Variants in AKAP6 observed in about 807,000 individuals in gnomAD.
The protein encoded by AKAP6 is A-kinase anchoring protein 6, also known as A-kinase anchor protein 6.
Under a neutral mutation model 188.5 loss-of-function variants are expected in AKAP6, and 58 were observed. That is an observed-to-expected ratio of 0.31 (90% CI 0.25 to 0.38). The LOEUF (loss-of-function observed/expected upper bound fraction) is 0.38. Among genes scored for constraint, AKAP6 ranks in the 10% least tolerant of loss-of-function variants. The pLI, the probability that AKAP6 is intolerant of heterozygous loss-of-function variation, is 1.00. For synonymous variants in AKAP6, 989 were observed against 998.6 expected (o/e 0.99, Z 0.18); for missense variants, 2,710 against 2,740.0 (o/e 0.99, Z 0.24).
chr14:32,517,132 C>G (rs1185211662), intron 2 of AKAP6, among the ~76,000 whole-genome samples: 1 of 152,156 alleles, frequency 6.6e-6, no homozygotes, highest in African/African-American at 2.4e-5. Flanking sequence ...CTGAATATGA[C>G]AGAATCAATT....
chr14:32,378,129 T>C (rs539337610), intron 1 of AKAP6, among the ~76,000 whole-genome samples: 1 of 152,340 alleles, frequency 6.6e-6, no homozygotes, highest in South Asian at 2.1e-4. Context: ...TTATGGTATG[T>C]AATTAAAATG....
chr14:32,823,096 T>C lies in AKAP6; in HGVS notation c.5283T>C (p.Leu1761=). The change falls in exon 13 of 14, where the codon CTT becomes CTC. Residue 1761 remains leucine, a synonymous_variant. Coordinates refer to ENST00000280979, the MANE Select transcript of AKAP6 (RefSeq NM_004274.5). ...DDSDLLSSST[L]TLTEEELCIK... is the part of the protein sequence containing the mutation. Reference sequence around the variant, plus strand: ...GCGACCTGCTCTCCAGCTCTACCCTTACCTTGACTGAAGAAGAGCTGTGCA... The same window carrying C: ...GCGACCTGCTCTCCAGCTCTACCCTCACCTTGACTGAAGAAGAGCTGTGCA... The C allele has an allele frequency of 3.1e-6, 5 of 1,613,764 alleles. No homozygotes were observed. The East Asian group carries it at 1.1e-4, about 36-fold the overall frequency.
rs769646670 is a variant in AKAP6 at position 32,823,656 on chromosome 14, C to A, written c.5843C>A (p.Ala1948Asp). 6.2e-7 allele frequency: 1 copy of A among 1,613,790 alleles called. No homozygotes were observed. Among genetic ancestry groups the A allele is most frequent in the Non-Finnish European group, 8.5e-7 (1 of 1,179,888 alleles). The change falls in exon 13 of 14, where the codon GCT (alanine) becomes GAT (aspartate). Residue 1948 changes from alanine to aspartate, a missense_variant. This residue lies in a region of AKAP6 where 2,473 missense variants were observed against 2,426.1 expected (regional missense o/e 1.02). Transcript: ENST00000280979. ...LMDSLDDSNTAGKEFVSQDVR... is the reference protein window; with the variant it reads ...LMDSLDDSNTDGKEFVSQDVR... ...GATAGTTTAGATGATTCAAATACTG[C>A]TGGCAAGGAATTTGTTTCCCAAGAT...
At chr14:32,654,310 A>C (rs1163818974) in intron 7 of AKAP6, among the ~76,000 whole-genome samples, 1 of 152,076 alleles carries the variant, frequency 6.6e-6, no homozygotes, top group Non-Finnish European at 1.5e-5. Context: ...TTTTTCTGAC[A>C]CAGTCCCACA....
In AKAP6 at chr14:32,596,561, G is replaced by T. The variant is rs192785618; in HGVS notation, c.2470-2849G>T. Among the ~76,000 whole-genome samples the T allele has an allele frequency of 3.4e-4, 51 of 152,146 alleles. 1 individual carries two copies. The highest frequency in any genetic ancestry group is 1.2e-3 in the African/African-American group (49 of 41,500). On this transcript the variant is annotated intron_variant, in intron 5 of 13. Transcript: ENST00000280979. Reference sequence around the variant, plus strand: ...GCTTTAAAGATGCTAAAAAAGACCTGGTGTCATCCAGGAACCAGATTACTC... The same window carrying T: ...GCTTTAAAGATGCTAAAAAAGACCTTGTGTCATCCAGGAACCAGATTACTC...
At chr14:32,712,405 A>C (rs1319128071) in intron 9 of AKAP6, among the ~76,000 whole-genome samples, 2 of 151,988 alleles carry the variant, frequency 1.3e-5, no homozygotes, top group South Asian at 2.1e-4. Flanking sequence ...CAATTTCTTA[A>C]AATAAGGCAA....
intron 9 of AKAP6, among the ~76,000 whole-genome samples, chr14:32,706,183 T>G (rs1015718702): frequency 6.6e-6 from 1 of 152,184 alleles, no homozygotes; most frequent in African/African-American, 2.4e-5. Context: ...TCATCTTCTC[T>G]ACAACAGGTA....
chr14:32,533,542 G>C (rs1882528032), intron 2 of AKAP6, among the ~76,000 whole-genome samples: 1 of 152,158 alleles, frequency 6.6e-6, no homozygotes, highest in Non-Finnish European at 1.5e-5. Context: ...AAGTTAAGGA[G>C]TGTTTTTTTA....
chr14:32,378,341 A>G (rs1041146750), intron 1 of AKAP6, among the ~76,000 whole-genome samples: 4 of 152,220 alleles, frequency 2.6e-5, no homozygotes, highest in Non-Finnish European at 4.4e-5. Context: ...GGCTGAATAC[A>G]TGGAAAATGC....
chr14:32,661,821 T>C (rs1380443802), intron 7 of AKAP6, among the ~76,000 whole-genome samples: 3 of 152,174 alleles, frequency 2.0e-5, no homozygotes, highest in Non-Finnish European at 4.4e-5. Flanking sequence ...CTTCTGCATC[T>C]GCTAAATGGG....
chr14:32,498,959 G>A (rs1406090243), intron 2 of AKAP6, among the ~76,000 whole-genome samples: 2 of 150,754 alleles, frequency 1.3e-5, no homozygotes, highest in African/African-American at 4.9e-5. Flanking sequence ...TTTGGTCCAT[G>A]TCTGGGGTTT....
intron 3 of AKAP6, 64 bp downstream of exon 3, chr14:32,535,869 G>A: frequency 1.3e-6 from 2 of 1,548,068 alleles, no homozygotes; most frequent in Non-Finnish European, 1.7e-6. Context: ...AATGTTTTCA[G>A]TTTAGAGATG....
chr14:32,560,379 T>A (rs1450121841), intron 4 of AKAP6, among the ~76,000 whole-genome samples: 1 of 152,176 alleles, frequency 6.6e-6, no homozygotes, highest in African/African-American at 2.4e-5. Context: ...ACATTAGGAA[T>A]GTTTCAGTCC....
At chr14:32,697,098 C>T (rs751264483) in intron 9 of AKAP6, among the ~76,000 whole-genome samples, 1 of 152,174 alleles carries the variant, frequency 6.6e-6, no homozygotes, top group African/African-American at 2.4e-5. Context: ...GAAGTACATT[C>T]AAGGTCAAAT....
intron 7 of AKAP6, among the ~76,000 whole-genome samples, chr14:32,675,968 T>C (rs941326057): frequency 4.6e-5 from 7 of 152,198 alleles, no homozygotes; most frequent in African/African-American, 1.7e-4. Flanking sequence ...CTCGTTAGGA[T>C]TGTTTTTGTG....
chr14:32,376,384 C>G (rs970423821), intron 1 of AKAP6, among the ~76,000 whole-genome samples: 2 of 152,144 alleles, frequency 1.3e-5, no homozygotes, highest in Admixed American at 1.3e-4. Context: ...ACTACATCCT[C>G]CCCTGCAATA....
At chr14:32,688,883 T>C (rs1890044452) in intron 8 of AKAP6, among the ~76,000 whole-genome samples, 1 of 152,174 alleles carries the variant, frequency 6.6e-6, no homozygotes, top group African/African-American at 2.4e-5. Flanking sequence ...TTGTTAGGAT[T>C]GGGCAACAGA....
At chr14:32,522,340 G>A (rs1200823257) in intron 2 of AKAP6, among the ~76,000 whole-genome samples, 1 of 152,090 alleles carries the variant, frequency 6.6e-6, no homozygotes, top group African/African-American at 2.4e-5. Flanking sequence ...TGACAAATGG[G>A]ATCTAATTAA....
At chr14:32,567,227 C>T in intron 4 of AKAP6, among the ~76,000 whole-genome samples, 1 of 152,254 alleles carries the variant, frequency 6.6e-6, no homozygotes, top group Middle Eastern at 3.4e-3. Context: ...AGCCTACTTA[C>T]CTTTTCTGAG....
Sources: gnomAD v4.1 joint callset for allele counts (sites outside exome capture counted in the v4.1 genomes callset) on GRCh38, gnomAD v4.1.1 for gene constraint, gnomAD v4.1.1 regional missense constraint, MANE v1.5 for transcripts, NCBI Gene and HGNC (gene_info 2026-07-23, HGNC 2026-07-21) for gene names.